HS3ST4: variants seen among roughly 807,000 people sequenced by gnomAD.
HS3ST4 encodes the protein heparan sulfate glucosamine 3-O-sulfotransferase 4.
HS3ST4 carries 17 observed loss-of-function variants against 29.2 expected under a neutral mutation model. The observed-to-expected ratio is 0.58, with a 90% CI of 0.40 to 0.87. HS3ST4 has a LOEUF of 0.87. HS3ST4 is among the 40% of genes least tolerant of loss of function. The pLI, the probability that HS3ST4 is intolerant of heterozygous loss-of-function variation, is 0.00. For missense variants in HS3ST4, 627 were observed against 634.5 expected, an observed-to-expected ratio of 0.99 and a Z score of 0.13; for synonymous variants, 314 against 285.7, an observed-to-expected ratio of 1.10 and a Z score of -1.00.
intron 1 of HS3ST4, among the ~76,000 whole-genome samples, chr16:26,063,784 T>C (rs1898509388): frequency 6.6e-6 from 1 of 152,198 alleles, no homozygotes; most frequent in South Asian, 2.1e-4. Flanking sequence ...GGGCATCTGA[T>C]ACAACTTTTC....
At chr16:26,002,616 A>G (rs1161288414) in intron 1 of HS3ST4, among the ~76,000 whole-genome samples, 1 of 151,056 alleles carries the variant, frequency 6.6e-6, no homozygotes, top group Non-Finnish European at 1.5e-5. Flanking sequence ...AATAGTAAAA[A>G]GAAAGAGAGA....
intron 1 of HS3ST4, among the ~76,000 whole-genome samples, chr16:26,051,156 C>A (rs1898339367): frequency 6.6e-6 from 1 of 152,126 alleles, no homozygotes; most frequent in African/African-American, 2.4e-5. Flanking sequence ...AAAGGAAACT[C>A]TCTAAGTCAG....
chr16:25,931,076 A>T (rs1383848418), intron 1 of HS3ST4, among the ~76,000 whole-genome samples: 1 of 152,158 alleles, frequency 6.6e-6, no homozygotes, highest in African/African-American at 2.4e-5. Context: ...CCCAACCAAG[A>T]TGAACTTTCA....
chr16:26,012,243 T>C (rs771793743), intron 1 of HS3ST4, among the ~76,000 whole-genome samples: 1 of 152,192 alleles, frequency 6.6e-6, no homozygotes, highest in South Asian at 2.1e-4. Context: ...AAGGGCTCAA[T>C]AGAGCTTCCT....
At chr16:25,718,431 G>A (rs1312168611) in intron 1 of HS3ST4, among the ~76,000 whole-genome samples, 1 of 152,010 alleles carries the variant, frequency 6.6e-6, no homozygotes, top group Non-Finnish European at 1.5e-5. Context: ...GCTGCTTTCT[G>A]GTCATTTCTT....
At chr16:25,769,676 A>C (rs1319620464) in intron 1 of HS3ST4, among the ~76,000 whole-genome samples, 1 of 152,196 alleles carries the variant, frequency 6.6e-6, no homozygotes, top group Non-Finnish European at 1.5e-5. Context: ...ATAAGCACAT[A>C]TTTAGCTGTT....
intron 1 of HS3ST4, among the ~76,000 whole-genome samples, chr16:26,065,586 C>T (rs1031773967): frequency 2.6e-5 from 4 of 151,952 alleles, no homozygotes; most frequent in Admixed American, 6.6e-5. Flanking sequence ...ACATGTTTAC[C>T]TTTGTAACAA....
At chr16:26,104,196 C>T (rs1899022939) in intron 1 of HS3ST4, among the ~76,000 whole-genome samples, 1 of 152,136 alleles carries the variant, frequency 6.6e-6, no homozygotes, top group African/African-American at 2.4e-5. Flanking sequence ...TGTATTTCCT[C>T]TGGTACTACT....
chr16:25,696,696 T>C (rs1966300723), intron 1 of HS3ST4, among the ~76,000 whole-genome samples: 1 of 152,162 alleles, frequency 6.6e-6, no homozygotes, highest in Non-Finnish European at 1.5e-5. Flanking sequence ...TTCCATTGGC[T>C]AGGGGAAAGT....
At chr16:26,039,967 A>G (rs1358389235) in intron 1 of HS3ST4, among the ~76,000 whole-genome samples, 1 of 152,226 alleles carries the variant, frequency 6.6e-6, no homozygotes. Flanking sequence ...CCAGTCTCTC[A>G]GTGCAGACAT....
rs193187077 is a variant in HS3ST4 at position 25,957,709 on chromosome 16, G to A, written c.735-177903G>A. Among the ~76,000 whole-genome samples, 240 of 152,202 alleles carry A rather than the reference G, an allele frequency of 1.6e-3. 1 individual carries two copies. The highest frequency in any genetic ancestry group is 5.4e-3 in the African/African-American group (224 of 41,548). On this transcript the variant is annotated intron_variant, in intron 1 of 1. Coordinates refer to ENST00000331351, the MANE Select transcript of HS3ST4 (RefSeq NM_006040.3). The stretch of plus-strand genomic sequence containing the variant: ...ACTGGCATTACAGGTGTAAGCCACC[G>A]CACCCAGCCCTTCATAGCTCTCTTA...
At chr16:25,912,247 C>G (rs1179916878) in intron 1 of HS3ST4, among the ~76,000 whole-genome samples, 1 of 152,186 alleles carries the variant, frequency 6.6e-6, no homozygotes, top group African/African-American at 2.4e-5. Flanking sequence ...GTCTTGCTCA[C>G]TCTTGTCCCC....
intron 1 of HS3ST4, among the ~76,000 whole-genome samples, chr16:25,795,563 C>T (rs35865418): frequency 0.13 from 19,317 of 152,148 alleles, 1,451 homozygotes; most frequent in East Asian, 0.23. Flanking sequence ...CAGAGTCAAT[C>T]GTGAGTCTCT....
intron 1 of HS3ST4, among the ~76,000 whole-genome samples, chr16:25,803,878 G>T (rs1040148126): frequency 3.3e-5 from 5 of 152,126 alleles, no homozygotes; most frequent in African/African-American, 1.2e-4. Flanking sequence ...GTGTCTAGAA[G>T]TGCTTTATTT....
chr16:25,853,016 C>CCTTCAAATGCATTTAT (rs139539753), intron 1 of HS3ST4, among the ~76,000 whole-genome samples: 1 of 151,666 alleles, frequency 6.6e-6, no homozygotes, highest in Non-Finnish European at 1.5e-5. Context: ...TCCCTCCTGT[C>CCTTCAAATGCATTTAT]CTGCTCTTGC....
intron 1 of HS3ST4, among the ~76,000 whole-genome samples, chr16:26,047,975 G>A (rs1030683673): frequency 6.6e-6 from 1 of 152,178 alleles, no homozygotes; most frequent in Non-Finnish European, 1.5e-5. Flanking sequence ...GCTCCAACCA[G>A]ATGTGAGGCA....
intron 1 of HS3ST4, among the ~76,000 whole-genome samples, chr16:26,059,300 TCCCTC>T (rs540978621): frequency 8.0e-4 from 121 of 152,054 alleles, no homozygotes; most frequent in African/African-American, 2.9e-3. Context: ...TCTCTCTTCT[TCCCTC>T]CCCTCCTCTC....
chr16:25,828,333 TC>T (rs1187432630), intron 1 of HS3ST4, among the ~76,000 whole-genome samples: 2 of 139,284 alleles, frequency 1.4e-5, no homozygotes, highest in East Asian at 2.0e-4. Context: ...TCTCTCTCTC[TC>T]TCTCTTTCTC....
intron 1 of HS3ST4, among the ~76,000 whole-genome samples, chr16:25,827,084 C>G (rs1344225028): frequency 6.6e-6 from 1 of 152,136 alleles, no homozygotes; most frequent in African/African-American, 2.4e-5. Flanking sequence ...AGCCAGACTT[C>G]TCAAGAGGCT....
Sources: gnomAD v4.1 joint callset for allele counts (sites outside exome capture counted in the v4.1 genomes callset) on GRCh38, gnomAD v4.1.1 for gene constraint, MANE v1.5 for transcripts, NCBI Gene and HGNC (gene_info 2026-07-23, HGNC 2026-07-21) for gene names.